The following RGS22 variants were observed in gnomAD, a reference collection of about 807,000 sequenced individuals.
The protein encoded by RGS22 is regulator of G-protein signaling 22.
Under a neutral mutation model 172.9 loss-of-function variants are expected in RGS22, and 148 were observed. The observed-to-expected ratio is 0.86, with a 90% CI of 0.75 to 0.98. The LOEUF (loss-of-function observed/expected upper bound fraction) is 0.98, where lower values mean the gene tolerates loss of function less well. Ranked by LOEUF, RGS22 falls within the 50% of genes least tolerant of loss-of-function variation. The pLI, the probability that RGS22 is intolerant of heterozygous loss-of-function variation, is 0.00. For synonymous variants in RGS22, 458 were observed against 480.2 expected, an observed-to-expected ratio of 0.95 and a Z score of 0.60; for missense variants, 1,347 against 1,440.8, an observed-to-expected ratio of 0.93 and a Z score of 1.05.
At chr8:99,997,053 A>C (rs940971116) in intron 19 of RGS22, among the ~76,000 whole-genome samples, 1 of 152,200 alleles carries the variant, frequency 6.6e-6, no homozygotes, top group Non-Finnish European at 1.5e-5. Context: ...GATAAGGACT[A>C]GAATCACTGG....
intron 20 of RGS22, among the ~76,000 whole-genome samples, chr8:99,994,303 T>C (rs1055955356): frequency 5.3e-5 from 8 of 152,086 alleles, no homozygotes; most frequent in Non-Finnish European, 1.2e-4. Context: ...GGTATTCAAG[T>C]AGGAAAAGAG....
At chr8:100,068,409 A>T in intron 6 of RGS22, among the ~76,000 whole-genome samples, 1 of 152,160 alleles carries the variant, frequency 6.6e-6, no homozygotes, top group East Asian at 1.9e-4. Flanking sequence ...GTATATATAT[A>T]TACAGTGTTA....
intron 3 of RGS22, among the ~76,000 whole-genome samples, chr8:100,083,052 C>T (rs1482575233): frequency 6.6e-6 from 1 of 152,180 alleles, no homozygotes; most frequent in Non-Finnish European, 1.5e-5. Flanking sequence ...TTTATCTTAA[C>T]CCTCTAGGAA....
intron 3 of RGS22, among the ~76,000 whole-genome samples, chr8:100,081,470 T>C (rs971564662): frequency 6.6e-6 from 1 of 151,628 alleles, no homozygotes. Flanking sequence ...ATGATACGGT[T>C]CAAGATGAAT....
intron 6 of RGS22, among the ~76,000 whole-genome samples, chr8:100,066,709 C>A (rs901238305): frequency 1.3e-5 from 2 of 152,172 alleles, no homozygotes; most frequent in Admixed American, 6.5e-5. Flanking sequence ...CATTCTGTCT[C>A]ACCTGGCTCA....
rs151219298 is a variant in RGS22 at position 100,075,687 on chromosome 8, T to G, written c.340-3457A>C. 2.4e-3 allele frequency among the ~76,000 whole-genome samples: 361 copies of G among 152,322 alleles called. 4 individuals carry two copies. Among genetic ancestry groups the G allele is most frequent in the African/African-American group, 8.3e-3 (347 of 41,572 alleles). ...ATTATGAATGATGCTGCTATGAACA[T>G]TTGTATATAAGTTTTTGTGTGAACA... On this transcript the variant is annotated intron_variant, in intron 4 of 27. Transcript: ENST00000360863.
At chr8:100,104,055 G>C (rs569234039) in intron 2 of RGS22, among the ~76,000 whole-genome samples, 7 of 152,130 alleles carry the variant, frequency 4.6e-5, no homozygotes, top group African/African-American at 1.7e-4. Context: ...CAGTGGCTCG[G>C]GCCTGTAATC....
chr8:100,053,365 T>C (rs562667940), intron 9 of RGS22, among the ~76,000 whole-genome samples: 3 of 147,966 alleles, frequency 2.0e-5, no homozygotes, highest in South Asian at 4.2e-4. Flanking sequence ...GAGGTTGCAG[T>C]GAGCCCAGAT....
intron 14 of RGS22, among the ~76,000 whole-genome samples, chr8:100,031,393 T>G (rs1447626464): frequency 6.6e-6 from 1 of 152,148 alleles, no homozygotes; most frequent in Admixed American, 6.6e-5. Flanking sequence ...CAAGAATTTC[T>G]TTATATTAAA....
chr8:100,044,176 T>C (rs1176119663), intron 11 of RGS22, among the ~76,000 whole-genome samples: 3 of 152,186 alleles, frequency 2.0e-5, no homozygotes, highest in Non-Finnish European at 4.4e-5. Context: ...ATGCAGTTCT[T>C]CCCAAATTCT....
At chr8:100,002,091 A>T in intron 18 of RGS22, 111 bp downstream of exon 18, 1 of 753,448 alleles carries the variant, frequency 1.3e-6, no homozygotes, top group Non-Finnish European at 2.1e-6. Context: ...TTAACACATT[A>T]GTCATAAGCA....
chr8:100,017,308 A>T (rs1817097762), intron 14 of RGS22, among the ~76,000 whole-genome samples: 3 of 151,968 alleles, frequency 2.0e-5, no homozygotes, highest in African/African-American at 4.8e-5. Flanking sequence ...CAGAACTGGA[A>T]GCATTAAAAA....
intron 5 of RGS22, 85 bp downstream of exon 5, chr8:100,072,060 T>C (rs1044506547): frequency 5.3e-6 from 4 of 758,364 alleles, no homozygotes; most frequent in South Asian, 1.7e-5. Flanking sequence ...TTGCCACACA[T>C]GGTGGCATAC....
In RGS22 at chr8:100,008,523, C is replaced by CCAATGTCAAGAGTGG; in HGVS notation, c.2198_2212dup (p.Ala733_Ile737dup). On this transcript the variant is annotated inframe_insertion, in exon 15 of 28. Transcript: ENST00000360863. Reference sequence around the variant, plus strand: ...TTCTTTTTTCTTTTCCTGTTGGAGTCCAATGTCAAGAGTGGCAGAAGGAGC... The same window carrying CCAATGTCAAGAGTGG: ...TTCTTTTTTCTTTTCCTGTTGGAGTCCAATGTCAAGAGTGGCAATGTCAAGAGTGGCAGAAGGAGC... The CCAATGTCAAGAGTGG allele has an allele frequency of 6.2e-7, 1 of 1,612,058 alleles. No individual in the cohort carries two copies. Among genetic ancestry groups the CCAATGTCAAGAGTGG allele is most frequent in the East Asian group, 2.2e-5 (1 of 44,808 alleles).
rs140419853 is a variant in RGS22, at chr8:100,093,565, C to T, written c.55-56G>A. ...TATAATTATACATTTTAAATCATGCCTATATTATTCTCTATTTCTGCTACG... is the reference window on the plus strand; with the variant it reads ...TATAATTATACATTTTAAATCATGCTTATATTATTCTCTATTTCTGCTACG... On this transcript the variant is annotated intron_variant, in intron 2 of 27. Coordinates refer to ENST00000360863, the MANE Select transcript of RGS22 (RefSeq NM_015668.5). The T allele has an allele frequency of 1.9e-5, 21 of 1,132,146 alleles. No homozygotes were observed. In the Admixed American group the frequency reaches 3.7e-4, roughly 20 times the overall value. The allele number at this position is 1,132,146 out of a possible 1,614,324, so 70.1% of individuals were successfully genotyped here.
chr8:99,980,536 G>A (rs2131198444), intron 22 of RGS22, among the ~76,000 whole-genome samples: 1 of 152,298 alleles, frequency 6.6e-6, no homozygotes, highest in South Asian at 2.1e-4. Context: ...TCCTGGGGTA[G>A]GAGGCAATGC....
intron 20 of RGS22, among the ~76,000 whole-genome samples, chr8:99,990,797 G>C (rs1452619781): frequency 6.6e-6 from 1 of 152,194 alleles, no homozygotes; most frequent in Admixed American, 6.5e-5. Flanking sequence ...CGGACAGACT[G>C]CCTCCTCAAG....
chr8:99,984,804 C>T (rs1310028319), intron 21 of RGS22, among the ~76,000 whole-genome samples: 3 of 151,838 alleles, frequency 2.0e-5, no homozygotes, highest in Admixed American at 2.0e-4. Flanking sequence ...CACACACACA[C>T]ACACACACAC....
chr8:99,989,735 C>T (rs1047603602), intron 20 of RGS22, among the ~76,000 whole-genome samples: 1 of 152,092 alleles, frequency 6.6e-6, no homozygotes, highest in Non-Finnish European at 1.5e-5. Flanking sequence ...ATCCCAACTA[C>T]TGGGGAGTTT....
Sources: gnomAD v4.1 joint callset for allele counts (sites outside exome capture counted in the v4.1 genomes callset) on GRCh38, gnomAD v4.1.1 for gene constraint, MANE v1.5 for transcripts, NCBI Gene and HGNC (gene_info 2026-07-23, HGNC 2026-07-21) for gene names.